Variants in SAE1 observed in about 807,000 individuals in gnomAD.
SAE1 encodes the protein SUMO-activating enzyme subunit 1.
In SAE1, 11 loss-of-function variants were observed where a neutral mutation model predicts 40.6. That is an observed-to-expected ratio of 0.27 (90% CI 0.17 to 0.45). The LOEUF (loss-of-function observed/expected upper bound fraction) is 0.45. SAE1 is among the 20% of genes least tolerant of loss of function. The probability of loss-of-function intolerance (pLI) is 1.00; values close to 1 mark genes in which losing one functional copy is unlikely to be tolerated. For synonymous variants in SAE1, 155 were observed against 154.3 expected (o/e 1.00, Z -0.03); for missense variants, 373 against 427.3 (o/e 0.87, Z 1.12).
intron 8 of SAE1, among the ~76,000 whole-genome samples, chr19:47,205,609 G>A (rs1013921990): frequency 3.9e-5 from 6 of 152,158 alleles, no homozygotes; most frequent in African/African-American, 1.4e-4. Flanking sequence ...AGGAAAGAGT[G>A]CAGCAATGGG....
At chr19:47,194,964 C>G (rs540914222) in intron 6 of SAE1, among the ~76,000 whole-genome samples, 1 of 151,328 alleles carries the variant, frequency 6.6e-6, no homozygotes, top group African/African-American at 2.4e-5. Flanking sequence ...AGGCTGGTCT[C>G]TAACTTCTGA....
At chr19:47,136,128 A>G (rs1271682056) in intron 1 of SAE1, among the ~76,000 whole-genome samples, 3 of 151,920 alleles carry the variant, frequency 2.0e-5, no homozygotes, top group Non-Finnish European at 4.4e-5. Flanking sequence ...TGCAATAAAC[A>G]TGGGATTTAT....
At chr19:47,160,066 A>G (rs902856391) in intron 5 of SAE1, among the ~76,000 whole-genome samples, 5 of 152,214 alleles carry the variant, frequency 3.3e-5, no homozygotes, top group Non-Finnish European at 5.9e-5. Context: ...ACCTTCTAGT[A>G]TATTAATTCT....
intron 6 of SAE1, 75 bp downstream of exon 6, chr19:47,169,998 G>C: frequency 8.9e-7 from 1 of 1,127,786 alleles, no homozygotes; most frequent in South Asian, 1.2e-5. Flanking sequence ...GCAAGGTCCA[G>C]ATGGTTTTGT....
chr19:47,208,610 G>A (rs1349948755), intron 8 of SAE1, among the ~76,000 whole-genome samples: 1 of 152,092 alleles, frequency 6.6e-6, no homozygotes, highest in Non-Finnish European at 1.5e-5. Context: ...ATTTTTAGTA[G>A]AGACAGGTTT....
At chr19:47,140,084 C>T (rs1461326940) in intron 1 of SAE1, among the ~76,000 whole-genome samples, 9 of 151,206 alleles carry the variant, frequency 6.0e-5, no homozygotes, top group Non-Finnish European at 1.0e-4. Flanking sequence ...ATTACAGGCG[C>T]CTGCCACCAC....
intron 5 of SAE1, among the ~76,000 whole-genome samples, chr19:47,163,624 G>A (rs1424912496): frequency 1.3e-5 from 2 of 152,074 alleles, no homozygotes; most frequent in African/African-American, 4.8e-5. Context: ...CTACTCAGGA[G>A]GCTGAGGCAG....
intron 2 of SAE1, among the ~76,000 whole-genome samples, chr19:47,146,394 A>T (rs1250174253): frequency 6.6e-6 from 1 of 152,140 alleles, no homozygotes; most frequent in Non-Finnish European, 1.5e-5. Flanking sequence ...CTTAGAAGGC[A>T]GTTTTTAGTA....
chr19:47,172,911 C>G (rs2058443862), intron 6 of SAE1, among the ~76,000 whole-genome samples: 1 of 152,168 alleles, frequency 6.6e-6, no homozygotes, highest in Non-Finnish European at 1.5e-5. Flanking sequence ...ACACCACCAG[C>G]TACAGAGGGG....
At chr19:47,147,841 C>T (rs1442821961) in intron 2 of SAE1, among the ~76,000 whole-genome samples, 2 of 151,454 alleles carry the variant, frequency 1.3e-5, no homozygotes, top group Non-Finnish European at 2.9e-5. Context: ...TCACTGCAAG[C>T]TCTGCCTCCC....
intron 2 of SAE1, among the ~76,000 whole-genome samples, chr19:47,145,347 A>G (rs933318198): frequency 2.0e-5 from 3 of 152,058 alleles, no homozygotes; most frequent in South Asian, 2.1e-4. Context: ...GGGTTTCACC[A>G]TATTGGCCAG....
chr19:47,155,928 A>G lies in SAE1; in HGVS notation c.627+715A>G, dbSNP rs147771838. ...GCTAATTTTTGTATTTTTAGTAGAG[A>G]CGGGGTTCCACCATGTTGGCCAGGA... is the stretch of plus-strand genomic sequence containing the variant. On this transcript the variant is annotated intron_variant, in intron 5 of 8. Coordinates refer to ENST00000270225, the MANE Select transcript of SAE1 (RefSeq NM_005500.3). Among the ~76,000 whole-genome samples the G allele has an allele frequency of 4.3e-3, 642 of 149,370 alleles. 6 individuals are homozygous for G. The highest frequency in any genetic ancestry group is 0.015 in the African/African-American group (607 of 40,394).
At chr19:47,181,856 T>G (rs2058509295) in intron 6 of SAE1, among the ~76,000 whole-genome samples, 1 of 149,082 alleles carries the variant, frequency 6.7e-6, no homozygotes, top group African/African-American at 2.5e-5. Context: ...AAGGCTGTAG[T>G]GCAGTGGTAT....
chr19:47,198,116 T>C (rs1448497687), intron 7 of SAE1, among the ~76,000 whole-genome samples: 3 of 148,644 alleles, frequency 2.0e-5, no homozygotes, highest in Non-Finnish European at 3.0e-5. Flanking sequence ...CTCTCTCTCT[T>C]TTTTTTTTTT....
intron 6 of SAE1, among the ~76,000 whole-genome samples, chr19:47,170,190 A>G (rs1361529104): frequency 6.6e-6 from 1 of 152,112 alleles, no homozygotes; most frequent in Non-Finnish European, 1.5e-5. Flanking sequence ...GTTACAGGTC[A>G]CAGATTGAGA....
At chr19:47,191,488 AC>A (rs1186738236) in intron 6 of SAE1, among the ~76,000 whole-genome samples, 1 of 152,170 alleles carries the variant, frequency 6.6e-6, no homozygotes, top group Non-Finnish European at 1.5e-5. Flanking sequence ...GGGTATCAAC[AC>A]TGCCTGAGCA....
intron 5 of SAE1, among the ~76,000 whole-genome samples, chr19:47,164,735 G>A (rs1385657048): frequency 7.4e-6 from 1 of 135,470 alleles, no homozygotes; most frequent in Non-Finnish European, 1.5e-5. Context: ...TGCAACCTCT[G>A]CCTCCCAGGT....
intron 6 of SAE1, among the ~76,000 whole-genome samples, chr19:47,194,398 A>G (rs1003328227): frequency 6.6e-6 from 1 of 152,222 alleles, no homozygotes; most frequent in African/African-American, 2.4e-5. Context: ...ATTTTTATGT[A>G]GGAACCCTTG....
intron 5 of SAE1, among the ~76,000 whole-genome samples, chr19:47,160,388 ATTTTTTTTTTTT>A (rs34266912): frequency 2.7e-5 from 2 of 75,080 alleles, no homozygotes; most frequent in African/African-American, 9.8e-5. Flanking sequence ...CGCCCAGCTA[ATTTTTTTTTTTT>A]TTTTTTTTTT....
Sources: allele counts gnomAD v4.1 joint callset (sites outside exome capture counted in the v4.1 genomes callset), GRCh38; gene constraint gnomAD v4.1.1; transcripts MANE v1.5; gene names NCBI Gene and HGNC (gene_info 2026-07-23, HGNC 2026-07-21).